Variants in CFAP99 observed in about 807,000 individuals in gnomAD.
CFAP99 encodes the protein cilia and flagella associated protein 99.
CFAP99 carries 84 observed loss-of-function variants against 82.7 expected under a neutral mutation model. The observed-to-expected ratio is 1.02, with a 90% CI of 0.85 to 1.22. CFAP99 has a LOEUF of 1.22. Ranked by LOEUF, CFAP99 falls within the 50% of genes most tolerant of loss-of-function variation. The pLI, the probability that CFAP99 is intolerant of heterozygous loss-of-function variation, is 0.00. For missense variants in CFAP99, 1,059 were observed against 983.5 expected, an observed-to-expected ratio of 1.08 and a Z score of -1.03; for synonymous variants, 456 against 429.5, an observed-to-expected ratio of 1.06 and a Z score of -0.76.
rs989254020 is a variant in CFAP99, at chr4:2,449,906, G to T, written c.724-28G>T. On this transcript the variant is annotated intron_variant, in intron 7 of 14. Transcript: ENST00000635017. ...GAGGACACTGGGCAGAGGCTGGTGG[G>T]ACTGGAGCCGCTGTGTCACTGTGGC... 2.0e-6 allele frequency: 3 copies of T among 1,535,978 alleles called. No individual in the cohort carries two copies. In the South Asian group the frequency reaches 3.6e-5, roughly 18 times the overall value.
chr4:2,421,074 G>A (rs1733574431), intron 1 of CFAP99, among the ~76,000 whole-genome samples: 1 of 152,192 alleles, frequency 6.6e-6, no homozygotes, highest in East Asian at 1.9e-4. Flanking sequence ...AGTGGAGATT[G>A]AAAAGCAACT....
chr4:2,449,910 G>A, intron 7 of CFAP99, 24 bp from the exon 8 acceptor site: 1 of 1,536,036 alleles, frequency 6.5e-7, no homozygotes, highest in African/African-American at 1.4e-5. Context: ...TGGTGGGACT[G>A]GAGCCGCTGT....
At chr4:2,423,899 GA>G (rs1209730314) in intron 1 of CFAP99, among the ~76,000 whole-genome samples, 4 of 147,038 alleles carry the variant, frequency 2.7e-5, no homozygotes, top group Non-Finnish European at 6.0e-5. Flanking sequence ...GGGGGAGGGG[GA>G]CCCAGCCGGG....
At chr4:2,457,250 C>T (rs115396593) in intron 11 of CFAP99, among the ~76,000 whole-genome samples, 3 of 152,330 alleles carry the variant, frequency 2.0e-5, no homozygotes, top group Non-Finnish European at 4.4e-5. Context: ...GCCCTGAGTA[C>T]ATTTTACCAA....
intron 2 of CFAP99, among the ~76,000 whole-genome samples, chr4:2,433,756 T>G (rs1733849223): frequency 6.6e-6 from 1 of 152,124 alleles, no homozygotes. Flanking sequence ...CAAGGGCTGG[T>G]CAGAAGCACA....
intron 3 of CFAP99, among the ~76,000 whole-genome samples, chr4:2,437,270 A>C (rs1733938339): frequency 6.6e-6 from 1 of 152,160 alleles, no homozygotes; most frequent in Admixed American, 6.5e-5. Flanking sequence ...CCAGCTCCCA[A>C]AGGCAGCCCG....
At chr4:2,433,527 GC>G (rs1012730647) in intron 2 of CFAP99, among the ~76,000 whole-genome samples, 2 of 152,100 alleles carry the variant, frequency 1.3e-5, no homozygotes, top group African/African-American at 4.8e-5. Flanking sequence ...ATCAGAGCCA[GC>G]CCCCCGCAGG....
intron 6 of CFAP99, among the ~76,000 whole-genome samples, chr4:2,449,007 G>A (rs892795930): frequency 2.6e-5 from 4 of 152,172 alleles, no homozygotes; most frequent in Non-Finnish European, 4.4e-5. Flanking sequence ...GGGAGGGCTC[G>A]TTTGAGGAAG....
At chr4:2,442,562 G>A (rs1014856755) in intron 4 of CFAP99, among the ~76,000 whole-genome samples, 3 of 152,104 alleles carry the variant, frequency 2.0e-5, no homozygotes, top group African/African-American at 7.2e-5. Flanking sequence ...TGCCTCCTCG[G>A]CCACCTCCCA....
At chr4:2,425,413 G>T (rs144856520) in intron 1 of CFAP99, among the ~76,000 whole-genome samples, 7 of 152,278 alleles carry the variant, frequency 4.6e-5, no homozygotes, top group African/African-American at 1.7e-4. Context: ...TGTCAGTGGT[G>T]GTTGGTGGGG....
intron 1 of CFAP99, among the ~76,000 whole-genome samples, chr4:2,424,286 G>C (rs1022675737): frequency 6.6e-6 from 1 of 152,144 alleles, no homozygotes; most frequent in African/African-American, 2.4e-5. Flanking sequence ...CCACATGGTG[G>C]CTATACAAAA....
At chr4:2,426,114 C>T (rs926063080) in intron 1 of CFAP99, among the ~76,000 whole-genome samples, 6 of 152,182 alleles carry the variant, frequency 3.9e-5, no homozygotes, top group Admixed American at 3.3e-4. Flanking sequence ...GTCACCCCAT[C>T]CAGGAGGCAT....
rs533986172 is a variant in CFAP99 at position 2,456,666 on chromosome 4, T to G, written c.1162-2057T>G. 2.0e-3 allele frequency among the ~76,000 whole-genome samples: 298 copies of G among 150,978 alleles called. 2 individuals are homozygous for G. The highest frequency in any genetic ancestry group is 6.8e-3 in the African/African-American group (282 of 41,188). ...TCCTGAGTAGCTGGGATTACAGGCA[T>G]GCACCATCATGCCTGGCTAATTTTG... On this transcript the variant is annotated intron_variant, in intron 11 of 14. Transcript: ENST00000635017.
At chr4:2,426,655 A>G in intron 2 of CFAP99, 69 bp downstream of exon 2, 1 of 986,978 alleles carries the variant, frequency 1.0e-6, no homozygotes. Context: ...TCTGGTTAAC[A>G]GCATCAAATG....
intron 11 of CFAP99, among the ~76,000 whole-genome samples, chr4:2,457,421 C>A (rs1204065888): frequency 6.6e-6 from 1 of 152,210 alleles, no homozygotes; most frequent in Non-Finnish European, 1.5e-5. Context: ...CAGCGAGCAG[C>A]CAGTGCGAGC....
chr4:2,458,892 C>G, intron 12 of CFAP99, 28 bp downstream of exon 12: 1 of 1,521,198 alleles, frequency 6.6e-7, no homozygotes, highest in Non-Finnish European at 8.8e-7. Flanking sequence ...GTCACTGGCC[C>G]TACCCCGCTC....
At chr4:2,429,510 C>T (rs910497014) in intron 2 of CFAP99, among the ~76,000 whole-genome samples, 2 of 152,142 alleles carry the variant, frequency 1.3e-5, no homozygotes, top group African/African-American at 4.8e-5. Context: ...GGCTGCCCAG[C>T]ATGGATCTGC....
exon 8 of CFAP99, chr4:2,449,981 C>G: frequency 6.5e-7 from 1 of 1,536,178 alleles, no homozygotes; most frequent in Admixed American, 2.0e-5. Flanking sequence ...GCGCCATGCC[C>G]AGGTCCTGCA....
In CFAP99 at chr4:2,443,119, G is replaced by A. The variant is rs576747377; in HGVS notation, c.352-11G>A. ...GGGCTCCGGCCCCCTGACAGCCCCC[G>A]TCCACCCCAGTTCCTCAGGTTCTTC... On this transcript the variant is annotated splice_polypyrimidine_tract_variant and intron_variant, in intron 4 of 14. Transcript: ENST00000635017. 833 of 1,477,326 alleles carry A rather than the reference G, an allele frequency of 5.6e-4. 3 individuals are homozygous for A. The highest frequency in any genetic ancestry group is 7.1e-4 in the Non-Finnish European group (776 of 1,093,696). The allele number at this position is 1,477,326 out of a possible 1,614,324, so 91.5% of individuals were successfully genotyped here. A position where few individuals can be genotyped will look rare whatever the true frequency, so the allele number is the denominator to read the frequency against.
Sources: gnomAD v4.1 joint callset for allele counts (sites outside exome capture counted in the v4.1 genomes callset) on GRCh38, gnomAD v4.1.1 for gene constraint, MANE v1.5 for transcripts, NCBI Gene and HGNC (gene_info 2026-07-23, HGNC 2026-07-21) for gene names.